PPP1R1C: variants seen among roughly 807,000 people sequenced by gnomAD.
The protein encoded by PPP1R1C is protein phosphatase 1 regulatory inhibitor subunit 1C.
Under a neutral mutation model 17.4 loss-of-function variants are expected in PPP1R1C, and 15 were observed. The observed-to-expected ratio is 0.86, with a 90% CI of 0.58 to 1.33. The LOEUF (loss-of-function observed/expected upper bound fraction) is 1.33, where lower values mean the gene tolerates loss of function less well. Among genes scored for constraint, PPP1R1C ranks in the 40% most tolerant of loss-of-function variants. The pLI, the probability that PPP1R1C is intolerant of heterozygous loss-of-function variation, is 0.00. For synonymous variants in PPP1R1C, 35 were observed against 43.1 expected (o/e 0.81, Z 0.73); for missense variants, 143 against 130.0 (o/e 1.10, Z -0.48).
intron 1 of PPP1R1C, among the ~76,000 whole-genome samples, chr2:181,972,473 G>C (rs138450143): frequency 9.9e-5 from 15 of 151,646 alleles, no homozygotes; most frequent in Admixed American, 2.6e-4. Context: ...TAAATTATTC[G>C]TGTAATTACT....
At position 182,117,367 on chromosome 2, in the gene PPP1R1C, T is replaced by TATAAAAATTATG; in HGVS notation, c.*72_*73insATAAAAATTATG. ...AACTTTTCTGAGTATACCATGGAATTCCACTGCTTGACTTCCAGAAGCATC... is the reference window on the plus strand; with the variant it reads ...AACTTTTCTGAGTATACCATGGAATTATAAAAATTATGCCACTGCTTGACTTCCAGAAGCATC... On this transcript the variant is annotated 3_prime_UTR_variant, in exon 5 of 5. Transcript: ENST00000682840. The TATAAAAATTATG allele has an allele frequency of 8.9e-7, 1 of 1,120,016 alleles. No individual in the cohort carries two copies. The highest frequency in any genetic ancestry group is 1.3e-6 in the Non-Finnish European group (1 of 770,932). The allele number at this position is 1,120,016 out of a possible 1,614,324, so 69.4% of individuals were successfully genotyped here.
intron 2 of PPP1R1C, among the ~76,000 whole-genome samples, chr2:182,013,304 A>T (rs1686147518): frequency 6.6e-6 from 1 of 152,096 alleles, no homozygotes; most frequent in African/African-American, 2.4e-5. Context: ...ATACTATTCT[A>T]GGGTAAAAGT....
chr2:182,002,578 T>G (rs1321216253), intron 2 of PPP1R1C, among the ~76,000 whole-genome samples: 3 of 152,088 alleles, frequency 2.0e-5, no homozygotes, highest in Non-Finnish European at 4.4e-5. Flanking sequence ...AAAGTAATAT[T>G]TGAATCCCAG....
intron 2 of PPP1R1C, among the ~76,000 whole-genome samples, chr2:182,022,554 G>A (rs566177890): frequency 1.5e-4 from 23 of 152,246 alleles, no homozygotes; most frequent in African/African-American, 4.8e-4. Flanking sequence ...ACACACATAC[G>A]TAGCACAAAA....
chr2:182,086,581 A>C (rs1401733937), intron 4 of PPP1R1C, among the ~76,000 whole-genome samples: 1 of 152,214 alleles, frequency 6.6e-6, no homozygotes, highest in Non-Finnish European at 1.5e-5. Context: ...CTGGATTCAT[A>C]ATTACCTGTA....
intron 2 of PPP1R1C, among the ~76,000 whole-genome samples, chr2:182,017,628 A>G (rs932561452): frequency 6.6e-6 from 1 of 152,108 alleles, no homozygotes; most frequent in Non-Finnish European, 1.5e-5. Flanking sequence ...CACTAACTAC[A>G]TGTTCTAGGT....
At chr2:181,960,085 A>G (rs1218451422) in intron 1 of PPP1R1C, among the ~76,000 whole-genome samples, 2 of 152,246 alleles carry the variant, frequency 1.3e-5, no homozygotes, top group Non-Finnish European at 2.9e-5. Flanking sequence ...GGATACCTGT[A>G]TAAAGCATCT....
At chr2:182,122,353 A>G (rs898068905), downstream of PPP1R1C, among the ~76,000 whole-genome samples, 8 of 152,164 alleles carry the variant, frequency 5.3e-5, no homozygotes, top group Admixed American at 5.2e-4. Flanking sequence ...TATAGTTACA[A>G]ATATGATTAT....
At chr2:182,112,678 G>A (rs2125235297) in intron 4 of PPP1R1C, among the ~76,000 whole-genome samples, 1 of 152,158 alleles carries the variant, frequency 6.6e-6, no homozygotes, top group Non-Finnish European at 1.5e-5. Flanking sequence ...AAAGAGAGTA[G>A]AATTCAAATT....
intron 2 of PPP1R1C, among the ~76,000 whole-genome samples, chr2:181,975,437 G>T (rs1456703562): frequency 6.6e-6 from 1 of 151,754 alleles, no homozygotes; most frequent in Non-Finnish European, 1.5e-5. Flanking sequence ...AATTTATGGA[G>T]CTTCATCTTC....
Position 182,005,939 on chromosome 2 carries a change from A to G in PPP1R1C, c.142+18040A>G, listed in dbSNP as rs139209909. 4.3e-3 allele frequency among the ~76,000 whole-genome samples: 652 copies of G among 152,338 alleles called. 8 individuals carry two copies. The highest frequency in any genetic ancestry group is 0.015 in the African/African-American group (632 of 41,584). ...GTAGTTTAAAAGATGAAAATAATAA[A>G]TAAAAATGTTTGGCATTATGGCATC... On this transcript the variant is annotated intron_variant, in intron 2 of 4. Coordinates refer to ENST00000682840, the MANE Select transcript of PPP1R1C (RefSeq NM_001080545.3).
chr2:182,026,313 G>T (rs1686609053), intron 2 of PPP1R1C, among the ~76,000 whole-genome samples: 1 of 139,306 alleles, frequency 7.2e-6, no homozygotes, highest in Non-Finnish European at 1.6e-5. Context: ...GTAATGCCTA[G>T]GTTTTCTTCT....
At chr2:182,048,474 T>A (rs16822405) in intron 2 of PPP1R1C, among the ~76,000 whole-genome samples, 3,562 of 152,342 alleles carry the variant, frequency 0.023, 142 homozygotes, top group African/African-American at 0.08. Context: ...AAATTATAAT[T>A]CTAATCCTCT....
chr2:182,052,445 C>T (rs1687552316), intron 2 of PPP1R1C, among the ~76,000 whole-genome samples: 1 of 152,180 alleles, frequency 6.6e-6, no homozygotes, highest in South Asian at 2.1e-4. Context: ...CAAAGGAATG[C>T]CTTGATAAGT....
At chr2:182,042,045 T>G (rs562786167) in intron 2 of PPP1R1C, among the ~76,000 whole-genome samples, 2 of 152,218 alleles carry the variant, frequency 1.3e-5, no homozygotes, top group Non-Finnish European at 2.9e-5. Flanking sequence ...GCTCCTTCTC[T>G]TCCACTTATC....
chr2:182,002,725 T>G (rs1219917606), intron 2 of PPP1R1C, among the ~76,000 whole-genome samples: 1 of 152,150 alleles, frequency 6.6e-6, no homozygotes, highest in Non-Finnish European at 1.5e-5. Flanking sequence ...ATATGCTTCA[T>G]GATCTAGACT....
At chr2:182,018,121 A>G (rs1478917471) in intron 2 of PPP1R1C, among the ~76,000 whole-genome samples, 1 of 151,948 alleles carries the variant, frequency 6.6e-6, no homozygotes, top group Non-Finnish European at 1.5e-5. Context: ...ATGGACAGTA[A>G]TGTGAAAAAA....
chr2:182,019,197 A>G (rs1686343852), intron 2 of PPP1R1C, among the ~76,000 whole-genome samples: 1 of 152,192 alleles, frequency 6.6e-6, no homozygotes, highest in African/African-American at 2.4e-5. Context: ...GCTTGAAGTT[A>G]TCTAAGTCTT....
chr2:182,080,902 T>C (rs917844356), intron 4 of PPP1R1C, among the ~76,000 whole-genome samples: 1 of 152,144 alleles, frequency 6.6e-6, no homozygotes, highest in Non-Finnish European at 1.5e-5. Context: ...ACTCATAAGG[T>C]TTTCGTAAAA....
Sources: allele counts gnomAD v4.1 joint callset (sites outside exome capture counted in the v4.1 genomes callset), GRCh38; gene constraint gnomAD v4.1.1; transcripts MANE v1.5; gene names NCBI Gene and HGNC (gene_info 2026-07-23, HGNC 2026-07-21).